METTL4: variants seen among roughly 807,000 people sequenced by gnomAD.
METTL4 encodes methyltransferase 4, N6-adenosine.
In METTL4, 40 loss-of-function variants were observed where a neutral mutation model predicts 54.0. That is an observed-to-expected ratio of 0.74 (90% CI 0.58 to 0.96). METTL4 has a LOEUF of 0.96. Among genes scored for constraint, METTL4 ranks in the 50% least tolerant of loss-of-function variants. The probability of loss-of-function intolerance (pLI) is 0.00; values close to 1 mark genes in which losing one functional copy is unlikely to be tolerated. For synonymous variants in METTL4, 169 were observed against 183.8 expected (o/e 0.92, Z 0.65); for missense variants, 525 against 549.0 (o/e 0.96, Z 0.44).
rs202132894 is a variant in METTL4 at position 2,555,047 on chromosome 18, G to A, written c.460-9C>T. On this transcript the variant is annotated splice_polypyrimidine_tract_variant and intron_variant, in intron 3 of 8. Coordinates refer to ENST00000574538, the MANE Select transcript of METTL4 (RefSeq NM_022840.5). ...AAAATCAGCTCCCTGATCTGTAAGAGAATTTTAAGTACATTAAAAGAACGT... is the reference window on the plus strand; with the variant it reads ...AAAATCAGCTCCCTGATCTGTAAGAAAATTTTAAGTACATTAAAAGAACGT... 23 of 1,607,222 alleles carry A rather than the reference G, an allele frequency of 1.4e-5. No individual in the cohort carries two copies. The African/African-American group carries it at 2.7e-4, about 19-fold the overall frequency.
At chr18:2,561,236 C>G (rs1331915165) in intron 3 of METTL4, 1 of 152,064 alleles carries the variant, frequency 6.6e-6, no homozygotes, top group Non-Finnish European at 1.5e-5. Context: ...TTCCACCCTA[C>G]AGAATTAGAG....
chr18:2,563,969 ATAG>A (rs2072362887), intron 2 of METTL4, 110 bp from the exon 3 acceptor site: 3 of 629,896 alleles, frequency 4.8e-6, no homozygotes, highest in Non-Finnish European at 8.0e-6. Context: ...TTAATAATTA[ATAG>A]TAGTAATTGT....
chr18:2,543,962 G>C (rs1361201356), intron 8 of METTL4, among the ~76,000 whole-genome samples: 1 of 152,168 alleles, frequency 6.6e-6, no homozygotes, highest in Non-Finnish European at 1.5e-5. Flanking sequence ...TGATAGCAAG[G>C]GGAATCTGAA....
At chr18:2,564,591 A>C (rs531601806) in intron 2 of METTL4, among the ~76,000 whole-genome samples, 1 of 152,330 alleles carries the variant, frequency 6.6e-6, no homozygotes, top group African/African-American at 2.4e-5. Context: ...TTCTATATCT[A>C]ACAATATAGA....
At chr18:2,552,065 C>T (rs539507568) in intron 5 of METTL4, among the ~76,000 whole-genome samples, 88 of 152,062 alleles carry the variant, frequency 5.8e-4, no homozygotes, top group African/African-American at 1.4e-3. Flanking sequence ...TGGTGGCGTG[C>T]GCCTGTACTC....
In METTL4 at chr18:2,555,043, A is replaced by C; in HGVS notation, c.460-5T>G. ...ATCCAAAATCAGCTCCCTGATCTGT[A>C]AGAGAATTTTAAGTACATTAAAAGA... On this transcript the variant is annotated splice_region_variant and splice_polypyrimidine_tract_variant and intron_variant, in intron 3 of 8. Coordinates refer to ENST00000574538, the MANE Select transcript of METTL4 (RefSeq NM_022840.5). 1 of 1,608,296 alleles carries C rather than the reference A, an allele frequency of 6.2e-7. No individual in the cohort carries two copies. Among genetic ancestry groups the C allele is most frequent in the African/African-American group, 1.3e-5 (1 of 74,384 alleles).
chr18:2,544,719 G>C lies in METTL4; in HGVS notation c.1115C>G (p.Pro372Arg). The C allele has an allele frequency of 6.2e-7, 1 of 1,612,792 alleles. No homozygotes were observed. Among genetic ancestry groups the C allele is most frequent in the South Asian group, 1.1e-5 (1 of 91,010 alleles). The change falls in exon 7 of 9, where the codon CCA (proline) becomes CGA (arginine). Residue 372 changes from proline (P) to arginine (R), a missense_variant. By Grantham distance (103) the Pro-to-Arg change is moderately radical (BLOSUM62 -2). Coordinates refer to ENST00000574538, the MANE Select transcript of METTL4 (RefSeq NM_022840.5). The stretch of plus-strand genomic sequence containing the variant: ...AAGACCTTCGTAGGGCTTTTTGTGT[G>C]GAGAATCTAATGGGAACACAAATTC... The part of the protein sequence containing the change: ...SGEFVFPLDS[P>R]HKKPYEGLIL...
chr18:2,547,893 T>A (rs1223821480), intron 5 of METTL4, among the ~76,000 whole-genome samples: 5 of 152,188 alleles, frequency 3.3e-5, no homozygotes, highest in African/African-American at 1.2e-4. Context: ...CAGTGAGTCT[T>A]GAAACGAGTC....
Position 2,540,731 on chromosome 18 carries a change from T to A in METTL4, c.1274-1586A>T, listed in dbSNP as rs952360432. On this transcript the variant is annotated intron_variant, in intron 8 of 8. Coordinates refer to ENST00000574538, the MANE Select transcript of METTL4 (RefSeq NM_022840.5). ...AACCCCACATGGAAGAACTTTTCCA[T>A]TTTCTTCCCATGAATTTAACGCCTC... is the stretch of plus-strand genomic sequence containing the variant. 5 of 985,308 alleles carry A rather than the reference T, an allele frequency of 5.1e-6. No homozygotes were observed. The African/African-American group carries it at 8.7e-5, about 17-fold the overall frequency. The allele number at this position is 985,308 out of a possible 1,614,324, so 61.0% of individuals were successfully genotyped here. A position where few individuals can be genotyped will look rare whatever the true frequency, so the allele number is the denominator to read the frequency against.
At position 2,544,180 on chromosome 18, in the gene METTL4, T is replaced by C; in HGVS notation, c.1273+15A>G. ...TTGACAAAAGTGATAACAATTCTAT[T>C]TTATAAAAACATACCAGCAAGCGGT... On this transcript the variant is annotated intron_variant, in intron 8 of 8. Coordinates refer to ENST00000574538, the MANE Select transcript of METTL4 (RefSeq NM_022840.5). 6.3e-7 allele frequency: 1 copy of C among 1,577,544 alleles called. No individual in the cohort carries two copies. Among genetic ancestry groups the C allele is most frequent in the African/African-American group, 1.4e-5 (1 of 73,356 alleles).
At position 2,565,780 on chromosome 18, in the gene METTL4, A is replaced by T. The variant is rs185298505; in HGVS notation, c.396+1041T>A. 1.9e-3 allele frequency among the ~76,000 whole-genome samples: 286 copies of T among 152,210 alleles called. 1 individual carries two copies. Among genetic ancestry groups the T allele is most frequent in the Middle Eastern group, 6.8e-3 (2 of 294 alleles). ...AATGTTAATCCTATCACTAAAAAAG[A>T]AAATGTTGAGGCCGGGTGCAGTGGC... On this transcript the variant is annotated intron_variant, in intron 2 of 8. Transcript: ENST00000574538.
Position 2,538,035 on chromosome 18 carries a change from C to T in METTL4, c.*965G>A, listed in dbSNP as rs954366142. On this transcript the variant is annotated 3_prime_UTR_variant, in exon 9 of 9. Transcript: ENST00000574538. ...TTTTCAAAATTCACTGAATTTGACA[C>T]TGAAAATTGGAGAATTTTGTGAAAA... 10 of 397,810 alleles carry T rather than the reference C, an allele frequency of 2.5e-5. No homozygotes were observed. Among genetic ancestry groups the T allele is most frequent in the Non-Finnish European group, 4.4e-5 (10 of 225,762 alleles). The allele number at this position is 397,810 out of a possible 1,614,324, so 24.6% of individuals were successfully genotyped here.
intron 8 of METTL4, chr18:2,540,417 C>G: frequency 1.0e-6 from 1 of 982,674 alleles, no homozygotes; most frequent in Non-Finnish European, 1.2e-6. Context: ...ATACTAGAGA[C>G]AGGTAAGGTT....
chr18:2,564,431 G>C (rs760513831), intron 2 of METTL4, among the ~76,000 whole-genome samples: 32 of 152,300 alleles, frequency 2.1e-4, no homozygotes, highest in Middle Eastern at 3.4e-3. Flanking sequence ...GAAGTTACCA[G>C]TGCCATCTAT....
chr18:2,542,835 A>G (rs759143904), intron 8 of METTL4, among the ~76,000 whole-genome samples: 6 of 152,058 alleles, frequency 3.9e-5, no homozygotes, highest in Admixed American at 6.6e-5. Flanking sequence ...TACTATAAAC[A>G]CCCTTCTAGA....
chr18:2,542,241 A>G (rs972322398), intron 8 of METTL4, among the ~76,000 whole-genome samples: 8 of 152,014 alleles, frequency 5.3e-5, no homozygotes, highest in Admixed American at 3.9e-4. Flanking sequence ...GTTTTAGGGT[A>G]CATGTGCACA....
intron 3 of METTL4, among the ~76,000 whole-genome samples, chr18:2,557,420 C>G (rs1598351693): frequency 6.6e-6 from 1 of 152,194 alleles, no homozygotes; most frequent in East Asian, 1.9e-4. Context: ...AACTGGGAGA[C>G]AATTCATCCT....
intron 8 of METTL4, chr18:2,540,140 T>C: frequency 1.0e-6 from 1 of 985,154 alleles, no homozygotes; most frequent in Admixed American, 6.1e-5. Flanking sequence ...AGCTGTAGGC[T>C]AAAGAGCTGT....
intron 5 of METTL4, among the ~76,000 whole-genome samples, chr18:2,551,852 T>G (rs2072165673): frequency 6.6e-6 from 1 of 152,130 alleles, no homozygotes; most frequent in Non-Finnish European, 1.5e-5. Flanking sequence ...TTTTTTCATC[T>G]AGAAAACTGA....
Sources: gnomAD v4.1 joint callset for allele counts (sites outside exome capture counted in the v4.1 genomes callset) on GRCh38, gnomAD v4.1.1 for gene constraint, MANE v1.5 for transcripts, NCBI Gene and HGNC (gene_info 2026-07-23, HGNC 2026-07-21) for gene names.